The following CD2 variants were observed in gnomAD, a reference collection of about 807,000 sequenced individuals.
CD2 encodes the protein T-cell surface antigen CD2.
A neutral mutation model predicts 23.2 loss-of-function variants in CD2; 18 were observed. The observed-to-expected ratio is 0.77, with a 90% CI of 0.54 to 1.15. The LOEUF is 1.15. Ranked by LOEUF, CD2 falls within the 50% of genes most tolerant of loss-of-function variation. CD2 has a pLI of 0.00. For synonymous variants in CD2, 162 were observed against 151.9 expected (o/e 1.07, Z -0.49); for missense variants, 424 against 423.1 (o/e 1.00, Z -0.02).
intron 3 of CD2, 152 bp downstream of exon 3, chr1:116,760,784 G>A (rs1043922152): frequency 7.0e-5 from 46 of 660,174 alleles, no homozygotes; most frequent in Non-Finnish European, 1.2e-4. Context: ...AAACCTTCAA[G>A]GGAAGCATCA....
intron 3 of CD2, among the ~76,000 whole-genome samples, chr1:116,764,089 T>C (rs769113783): frequency 1.3e-5 from 2 of 151,272 alleles, no homozygotes; most frequent in Non-Finnish European, 2.9e-5. Context: ...GGAACAGATA[T>C]TGTGTGGCTT....
rs78991091 is a variant in CD2 at position 116,760,533 on chromosome 1, A to G, written c.514A>G (p.Ile172Val). 18 of 1,614,242 alleles carry G rather than the reference A, an allele frequency of 1.1e-5. No individual in the cohort carries two copies. In the African/African-American group the frequency reaches 2.4e-4, roughly 22 times the overall value. Reference sequence around the variant, plus strand: ...ACATCTAAAACTTTCTCAGAGGGTCATCACACACAAGTGGACCACCAGCCT... The same window carrying G: ...ACATCTAAAACTTTCTCAGAGGGTCGTCACACACAAGTGGACCACCAGCCT... ...GKHLKLSQRV[I>V]THKWTTSLSA... Residue 172 changes from isoleucine to valine, a missense_variant, in exon 3 of 5, where the codon ATC (isoleucine) becomes GTC (valine). Transcript: ENST00000369478.
intron 2 of CD2, among the ~76,000 whole-genome samples, chr1:116,755,213 G>C (rs1483280070): frequency 2.6e-5 from 4 of 152,184 alleles, no homozygotes; most frequent in Non-Finnish European, 4.4e-5. Flanking sequence ...TGAAGAACCT[G>C]GATTAAGGTG....
chr1:116,762,902 T>C (rs555288528), intron 3 of CD2, among the ~76,000 whole-genome samples: 1 of 152,266 alleles, frequency 6.6e-6, no homozygotes, highest in Admixed American at 6.5e-5. Context: ...GTGCCCAAGA[T>C]AAAATTGTGG....
At chr1:116,755,569 G>T (rs750458953) in intron 2 of CD2, among the ~76,000 whole-genome samples, 1 of 152,188 alleles carries the variant, frequency 6.6e-6, no homozygotes, top group Non-Finnish European at 1.5e-5. Context: ...GGATATTGAG[G>T]ATGGGGTTAG....
chr1:116,755,903 G>A (rs562283266), intron 2 of CD2, among the ~76,000 whole-genome samples: 56 of 152,286 alleles, frequency 3.7e-4, no homozygotes, highest in Admixed American at 2.2e-3. Context: ...AAGAAGCTGC[G>A]CTTGACTTGG....
chr1:116,757,498 T>C (rs994494109), intron 2 of CD2, among the ~76,000 whole-genome samples: 1 of 152,122 alleles, frequency 6.6e-6, no homozygotes, highest in African/African-American at 2.4e-5. Flanking sequence ...TTAGTGAATG[T>C]ATACGGAGGT....
chr1:116,759,050 C>T (rs1442290646), intron 2 of CD2, among the ~76,000 whole-genome samples: 1 of 152,106 alleles, frequency 6.6e-6, no homozygotes, highest in Non-Finnish European at 1.5e-5. Context: ...TTGCAACCAT[C>T]ACCACAATCA....
At chr1:116,762,775 G>A (rs1177546063) in intron 3 of CD2, among the ~76,000 whole-genome samples, 1 of 152,190 alleles carries the variant, frequency 6.6e-6, no homozygotes, top group Non-Finnish European at 1.5e-5. Flanking sequence ...CAGTGCCACC[G>A]CTGCTTCTGA....
intron 4 of CD2, among the ~76,000 whole-genome samples, chr1:116,765,269 G>A (rs1359229076): frequency 1.3e-5 from 2 of 152,172 alleles, no homozygotes; most frequent in African/African-American, 4.8e-5. Flanking sequence ...ACTGTGGGGG[G>A]CACAGATGAG....
chr1:116,765,967 G>A (rs925548554), intron 4 of CD2, among the ~76,000 whole-genome samples: 17 of 152,282 alleles, frequency 1.1e-4, no homozygotes, highest in African/African-American at 3.6e-4. Flanking sequence ...TAAGTTCAGT[G>A]AGGTTCAATT....
At chr1:116,763,778 T>A (rs1652126995) in intron 3 of CD2, among the ~76,000 whole-genome samples, 1 of 152,086 alleles carries the variant, frequency 6.6e-6, no homozygotes, top group Non-Finnish European at 1.5e-5. Context: ...CCAAAGTCAC[T>A]GTTTTCCTCA....
In CD2 at chr1:116,755,311, GAGA is replaced by G. The variant is rs550010011; in HGVS notation, c.382+367_382+369del. Among the ~76,000 whole-genome samples the G allele has an allele frequency of 1.6e-4, 24 of 152,336 alleles. No homozygotes were observed. In the South Asian group the frequency reaches 4.4e-3, roughly 28 times the overall value. ...TGAATCGGCGAGCTAAGAGTGGGGC[GAGA>G]AGAAGAGGCTGACTGGAGAGCAGCG... On this transcript the variant is annotated intron_variant, in intron 2 of 4. Transcript: ENST00000369478.
At chr1:116,760,088 A>G (rs1651992100) in intron 2 of CD2, among the ~76,000 whole-genome samples, 1 of 152,236 alleles carries the variant, frequency 6.6e-6, no homozygotes, top group Admixed American at 6.5e-5. Flanking sequence ...AATGGGAAGA[A>G]AAACATCAGC....
chr1:116,766,650 G>A (rs1652223957), intron 4 of CD2, among the ~76,000 whole-genome samples: 2 of 151,924 alleles, frequency 1.3e-5, no homozygotes, highest in South Asian at 4.2e-4. Context: ...GAGCTCAGGA[G>A]TTTGGGACCA....
At chr1:116,765,396 C>G (rs903848329) in intron 4 of CD2, among the ~76,000 whole-genome samples, 1 of 152,192 alleles carries the variant, frequency 6.6e-6, no homozygotes, top group Non-Finnish European at 1.5e-5. Context: ...GCCACACCAG[C>G]TGCTTCCAGT....
intron 4 of CD2, among the ~76,000 whole-genome samples, chr1:116,765,994 A>G (rs1380352974): frequency 3.3e-5 from 5 of 152,256 alleles, no homozygotes; most frequent in African/African-American, 7.2e-5. Context: ...CTTAAATCCT[A>G]TGGCCAGTAG....
At chr1:116,761,890 G>A (rs561499579) in intron 3 of CD2, among the ~76,000 whole-genome samples, 3 of 152,278 alleles carry the variant, frequency 2.0e-5, no homozygotes, top group Non-Finnish European at 4.4e-5. Flanking sequence ...GAGTGTGGTA[G>A]TATGATCATA....
At chr1:116,758,028 C>G (rs1299079645) in intron 2 of CD2, among the ~76,000 whole-genome samples, 1 of 151,636 alleles carries the variant, frequency 6.6e-6, no homozygotes, top group Non-Finnish European at 1.5e-5. Context: ...CTTAGCCTCC[C>G]AAAGTGCTGG....
Sources: gnomAD v4.1 joint callset for allele counts (sites outside exome capture counted in the v4.1 genomes callset) on GRCh38, gnomAD v4.1.1 for gene constraint, MANE v1.5 for transcripts, NCBI Gene and HGNC (gene_info 2026-07-23, HGNC 2026-07-21) for gene names.